Variants in KIF21A observed in about 807,000 individuals in gnomAD.
KIF21A encodes the protein kinesin-like protein KIF21A.
A neutral mutation model predicts 202.9 loss-of-function variants in KIF21A; 114 were observed. The ratio of observed to expected loss-of-function variants is 0.56; its 90% confidence interval spans 0.48 to 0.66. The LOEUF (loss-of-function observed/expected upper bound fraction) is 0.66. Among genes scored for constraint, KIF21A ranks in the 30% least tolerant of loss-of-function variants. KIF21A has a pLI of 0.00. For synonymous variants in KIF21A, 667 were observed against 670.8 expected, an observed-to-expected ratio of 0.99 and a Z score of 0.09; for missense variants, 1,677 against 1,994.9, an observed-to-expected ratio of 0.84 and a Z score of 3.04.
At position 39,332,780 on chromosome 12, in the gene KIF21A, A is replaced by G. The variant is rs151215496; in HGVS notation, c.2703-36T>C. On this transcript the variant is annotated intron_variant, in intron 19 of 37. Transcript: ENST00000361418. ...ATAAAACAGACAAGCTCAATTACTT[A>G]TGCACTTATTTGATTGTGCACTGCC... 546 of 1,610,820 alleles carry G rather than the reference A, an allele frequency of 3.4e-4. 5 individuals are homozygous for G. In the African/African-American group the frequency reaches 6.2e-3, roughly 18 times the overall value.
intron 16 of KIF21A, 95 bp downstream of exon 16, chr12:39,340,070 G>C (rs763863911): frequency 3.1e-6 from 3 of 967,104 alleles, no homozygotes; most frequent in East Asian, 5.1e-5. Context: ...TACCTTTATC[G>C]AATATGGAAA....
At chr12:39,297,774 C>G (rs1357179894) in intron 37 of KIF21A, among the ~76,000 whole-genome samples, 1 of 149,806 alleles carries the variant, frequency 6.7e-6, no homozygotes, top group East Asian at 1.9e-4. Context: ...ACAAATGAAA[C>G]CAAAATCAAA....
intron 1 of KIF21A, among the ~76,000 whole-genome samples, chr12:39,407,641 G>C (rs181940499): frequency 6.6e-6 from 1 of 152,072 alleles, no homozygotes; most frequent in Non-Finnish European, 1.5e-5. Flanking sequence ...GGCTTCTAGA[G>C]GTTAGGTAAC....
intron 10 of KIF21A, among the ~76,000 whole-genome samples, chr12:39,355,123 G>A (rs1948667571): frequency 6.6e-6 from 1 of 152,088 alleles, no homozygotes; most frequent in African/African-American, 2.4e-5. Flanking sequence ...TCTGGAACAA[G>A]GTATTAACCT....
At chr12:39,338,703 G>C (rs1027399307) in intron 16 of KIF21A, among the ~76,000 whole-genome samples, 3 of 152,236 alleles carry the variant, frequency 2.0e-5, no homozygotes, top group Admixed American at 6.5e-5. Context: ...AAATTTATTT[G>C]GTTTCCCAGC....
At chr12:39,340,440 T>G in intron 15 of KIF21A, 76 bp from the exon 16 acceptor site, 2 of 1,138,170 alleles carry the variant, frequency 1.8e-6, no homozygotes, top group Non-Finnish European at 2.5e-6. Flanking sequence ...ACAGTCCATA[T>G]CCTAAGAGAA....
Position 39,370,057 on chromosome 12 carries a change from T to C in KIF21A, c.249A>G (p.Thr83=). 6.2e-7 allele frequency: 1 copy of C among 1,613,432 alleles called. No individual in the cohort carries two copies. Among genetic ancestry groups the C allele is most frequent in the Non-Finnish European group, 8.5e-7 (1 of 1,179,476 alleles). Residue 83 remains threonine, a synonymous_variant, in exon 2 of 38, where the codon ACA becomes ACG. Coordinates refer to ENST00000361418, the MANE Select transcript of KIF21A (RefSeq NM_001173464.2). ...IEGCFEGYNA[T]VFAYGQTGAG... Reference sequence around the variant, plus strand: ...CACTTACTTGTCCATAAGCAAAAACTGTAGCATTGTATCCTTCAAAGCAAC... The same window carrying C: ...CACTTACTTGTCCATAAGCAAAAACCGTAGCATTGTATCCTTCAAAGCAAC...
chr12:39,324,788 A>C (rs1428631180), intron 26 of KIF21A, among the ~76,000 whole-genome samples: 1 of 152,240 alleles, frequency 6.6e-6, no homozygotes. Context: ...CAGCTAAATT[A>C]GTCATTTGCA....
chr12:39,350,371 AG>A (rs1269720650), intron 11 of KIF21A, among the ~76,000 whole-genome samples: 2 of 152,018 alleles, frequency 1.3e-5, no homozygotes, highest in African/African-American at 4.8e-5. Flanking sequence ...AGGAAAAAGC[AG>A]TATCAGTTGT....
At chr12:39,336,887 A>G (rs1947020680) in intron 17 of KIF21A, among the ~76,000 whole-genome samples, 1 of 152,178 alleles carries the variant, frequency 6.6e-6, no homozygotes, top group South Asian at 2.1e-4. Flanking sequence ...AATAAAATAT[A>G]TAATATTACA....
chr12:39,326,259 C>A lies in KIF21A; in HGVS notation c.3401+5G>T. 6.2e-7 allele frequency: 1 copy of A among 1,601,290 alleles called. No homozygotes were observed. Among genetic ancestry groups the A allele is most frequent in the Non-Finnish European group, 8.6e-7 (1 of 1,168,688 alleles). Reference sequence around the variant, plus strand: ...CAACTCTATTGTTTCTAAAGGCCTTCTTACCTTCCTTCTGATCCTGGGCTG... The same window carrying A: ...CAACTCTATTGTTTCTAAAGGCCTTATTACCTTCCTTCTGATCCTGGGCTG... On this transcript the variant is annotated splice_donor_5th_base_variant and intron_variant, in intron 25 of 37. Coordinates refer to ENST00000361418, the MANE Select transcript of KIF21A (RefSeq NM_001173464.2).
intron 1 of KIF21A, among the ~76,000 whole-genome samples, chr12:39,412,743 G>A (rs1218001377): frequency 6.6e-6 from 1 of 151,918 alleles, no homozygotes; most frequent in African/African-American, 2.4e-5. Context: ...AAATTAATTA[G>A]CAATATATTA....
At chr12:39,437,887 C>T (rs1939034677) in intron 1 of KIF21A, among the ~76,000 whole-genome samples, 1 of 152,172 alleles carries the variant, frequency 6.6e-6, no homozygotes, top group African/African-American at 2.4e-5. Context: ...AGAGGTCTTA[C>T]TCATTTGCTT....
chr12:39,299,750 A>G (rs1942785751), intron 37 of KIF21A, among the ~76,000 whole-genome samples: 1 of 152,226 alleles, frequency 6.6e-6, no homozygotes, highest in Non-Finnish European at 1.5e-5. Context: ...GTACATATAC[A>G]TCATGGAATA....
chr12:39,383,213 T>C lies in KIF21A; in HGVS notation c.45-12952A>G, dbSNP rs545164278. Among the ~76,000 whole-genome samples, 8 of 152,336 alleles carry C rather than the reference T, an allele frequency of 5.3e-5. No individual in the cohort carries two copies. The East Asian group carries it at 1.4e-3, about 26-fold the overall frequency. On this transcript the variant is annotated intron_variant, in intron 1 of 37. Transcript: ENST00000361418. ...TGAATTGAAGGTCAAAGGAAATAGA[T>C]AAATGTGATCCATTAGCGTGAATAC...
At chr12:39,314,601 C>A (rs543548448) in intron 31 of KIF21A, among the ~76,000 whole-genome samples, 1 of 151,754 alleles carries the variant, frequency 6.6e-6, no homozygotes, top group Non-Finnish European at 1.5e-5. Context: ...CATTTAATAA[C>A]AAATCTTCTT....
intron 1 of KIF21A, among the ~76,000 whole-genome samples, chr12:39,381,671 A>T (rs955709873): frequency 3.3e-4 from 51 of 152,298 alleles, no homozygotes; most frequent in African/African-American, 1.2e-3. Flanking sequence ...GGAACACTTT[A>T]TTTTTGTAAG....
At chr12:39,430,970 G>A (rs1039525149) in intron 1 of KIF21A, among the ~76,000 whole-genome samples, 12 of 152,070 alleles carry the variant, frequency 7.9e-5, no homozygotes, top group Non-Finnish European at 1.8e-4. Context: ...CCAGAACCAG[G>A]AGCTAAATAA....
At chr12:39,299,994 T>C (rs1048392778) in intron 37 of KIF21A, among the ~76,000 whole-genome samples, 1 of 151,928 alleles carries the variant, frequency 6.6e-6, no homozygotes, top group Non-Finnish European at 1.5e-5. Context: ...AAAAAGTAAC[T>C]ATTGGATACT....
Sources: gnomAD v4.1 joint callset for allele counts (sites outside exome capture counted in the v4.1 genomes callset) on GRCh38, gnomAD v4.1.1 for gene constraint, MANE v1.5 for transcripts, NCBI Gene and HGNC (gene_info 2026-07-23, HGNC 2026-07-21) for gene names.